The following PCDH11X variants were observed in gnomAD, a reference collection of about 807,000 sequenced individuals.
PCDH11X encodes protocadherin-11 X-linked.
Under a neutral mutation model 53.3 loss-of-function variants are expected in PCDH11X, and 18 were observed. The ratio of observed to expected loss-of-function variants is 0.34; its 90% CI spans 0.23 to 0.50. The LOEUF is 0.50. PCDH11X is among the 20% of genes least tolerant of loss of function. The probability of loss-of-function intolerance (pLI) is 0.98; values close to 1 mark genes in which losing one functional copy is unlikely to be tolerated. For missense variants in PCDH11X, 570 were observed against 1,032.4 expected (o/e 0.55, Z 6.14); for synonymous variants, 279 against 393.3 (o/e 0.71, Z 3.44).
chrX:92,605,038 A>G (rs948348878), intron 10 of PCDH11X, among the ~76,000 whole-genome samples: 10 of 102,065 alleles, frequency 9.8e-5, no homozygotes, highest in Non-Finnish European at 1.8e-4. Context: ...GTAGATCAAT[A>G]AAAAGAAGAC....
intron 6 of PCDH11X, among the ~76,000 whole-genome samples, chrX:92,065,989 T>G (rs1470545674): frequency 1.3e-4 from 15 of 111,815 alleles, no homozygotes; most frequent in Non-Finnish European, 2.6e-4. Flanking sequence ...TTCATAGTCT[T>G]AGATTTAAGT....
At chrX:92,349,570 G>A (rs1433292561) in intron 8 of PCDH11X, among the ~76,000 whole-genome samples, 4 of 102,984 alleles carry the variant, frequency 3.9e-5, no homozygotes, top group Admixed American at 1.1e-4. Context: ...TACAAGTCCC[G>A]CTACCATTTG....
At chrX:91,844,093 G>A (rs890485304) in intron 5 of PCDH11X, among the ~76,000 whole-genome samples, 2 of 111,615 alleles carry the variant, frequency 1.8e-5, no homozygotes, top group Non-Finnish European at 3.8e-5. Flanking sequence ...CAATAGTTAT[G>A]GGTTTTACTC....
intron 10 of PCDH11X, among the ~76,000 whole-genome samples, chrX:92,587,879 T>C (rs764206948): frequency 9.0e-6 from 1 of 111,366 alleles, no homozygotes; most frequent in South Asian, 3.7e-4. Context: ...TCATTTCAAG[T>C]TTCCTTTTCA....
chrX:91,888,583 G>C (rs952880707), intron 6 of PCDH11X, among the ~76,000 whole-genome samples: 8 of 109,817 alleles, frequency 7.3e-5, no homozygotes, highest in Non-Finnish European at 1.5e-4. Context: ...TGAGTGGCGG[G>C]GGTTGTGGGG....
intron 5 of PCDH11X, among the ~76,000 whole-genome samples, chrX:91,874,062 C>G (rs1327228267): frequency 1.8e-5 from 2 of 110,843 alleles, no homozygotes; most frequent in African/African-American, 3.3e-5. Flanking sequence ...ATTAGCCACT[C>G]AGTATTGGAA....
intron 10 of PCDH11X, among the ~76,000 whole-genome samples, chrX:92,610,224 A>G (rs1333477481): frequency 8.9e-6 from 1 of 112,202 alleles, no homozygotes; most frequent in Non-Finnish European, 1.9e-5. Flanking sequence ...ACAGTGTATA[A>G]AAATTCTCTT....
At chrX:92,209,968 CT>C (rs1197667395) in intron 7 of PCDH11X, among the ~76,000 whole-genome samples, 1 of 111,367 alleles carries the variant, frequency 9.0e-6, no homozygotes, top group East Asian at 2.9e-4. Context: ...TACCTTGGCC[CT>C]TTTTAGCCAC....
intron 10 of PCDH11X, among the ~76,000 whole-genome samples, chrX:92,497,504 A>G (rs998534946): frequency 9.1e-6 from 1 of 110,061 alleles, no homozygotes; most frequent in African/African-American, 3.3e-5. Flanking sequence ...CCTCACAAAT[A>G]GCAACATGCT....
intron 6 of PCDH11X, among the ~76,000 whole-genome samples, chrX:92,199,041 A>G (rs1348068183): frequency 9.0e-6 from 1 of 111,542 alleles, no homozygotes; most frequent in African/African-American, 3.3e-5. Flanking sequence ...TTTCTCTCAC[A>G]TATGTCTATT....
rs1314840617 is a variant in PCDH11X at position 91,818,261 on chromosome X, T to A, written c.-45+6966T>A. Among the ~76,000 whole-genome samples the A allele has an allele frequency of 4.5e-5, 5 of 111,353 alleles. No homozygotes were observed. In the East Asian group the frequency reaches 1.4e-3, roughly 31 times the overall value. On this transcript the variant is annotated intron_variant, in intron 4 of 10. Transcript: ENST00000682573. ...CTAATCAAAAGAATGGTGTCTTTAT[T>A]TTCTTTTTTCGTAATCTCTTTTTCT...
At position 92,434,582 on chromosome X, in the gene PCDH11X, C is replaced by T. The variant is rs188564197; in HGVS notation, c.3344-33717C>T. ...TAAGAGACAAGGACTTGACTGGTCA[C>T]CTAGGTCGGAGTGCAGTAACATGAT... On this transcript the variant is annotated intron_variant, in intron 9 of 10. Coordinates refer to ENST00000682573, the MANE Select transcript of PCDH11X (RefSeq NM_032968.5). Among the ~76,000 whole-genome samples, 413 of 109,220 alleles carry T rather than the reference C, an allele frequency of 3.8e-3. 3 individuals are homozygous for T. Among genetic ancestry groups the T allele is most frequent in the African/African-American group, 0.013 (393 of 29,731 alleles). 94.8% of individuals were successfully genotyped at this position (109,220 alleles called of 115,157 possible).
intron 8 of PCDH11X, among the ~76,000 whole-genome samples, chrX:92,285,509 T>A (rs1384156376): frequency 9.0e-6 from 1 of 110,622 alleles, no homozygotes; most frequent in Admixed American, 9.7e-5. Context: ...CGCTTCGGCC[T>A]CCCAAAGTGC....
chrX:92,279,472 A>G (rs1343511154), intron 8 of PCDH11X, among the ~76,000 whole-genome samples: 2 of 112,146 alleles, frequency 1.8e-5, no homozygotes, highest in African/African-American at 3.2e-5. Context: ...AATCTCTAGC[A>G]TTAAAGGAAC....
rs370649964 is a variant in PCDH11X at position 92,130,416 on chromosome X, G to A, written c.3034-70959G>A. ...AATCATGCCAGCACTTTGGGAGGCC[G>A]AGGTGGGCAGATCACCTGAGGTCAG... On this transcript the variant is annotated intron_variant, in intron 6 of 10. Transcript: ENST00000682573. 1.2e-4 allele frequency among the ~76,000 whole-genome samples: 13 copies of A among 110,455 alleles called. No individual in the cohort carries two copies. In the East Asian group the frequency reaches 1.7e-3, roughly 15 times the overall value.
chrX:92,072,769 T>G (rs2063722790), intron 6 of PCDH11X, among the ~76,000 whole-genome samples: 1 of 111,334 alleles, frequency 9.0e-6, no homozygotes. Context: ...GGGGGTGACA[T>G]GGTGCAAGCA....
intron 6 of PCDH11X, among the ~76,000 whole-genome samples, chrX:92,182,447 T>G (rs767667472): frequency 7.2e-5 from 8 of 111,591 alleles, no homozygotes. Flanking sequence ...TGGGAGATTG[T>G]TGGGAAGGCA....
intron 6 of PCDH11X, among the ~76,000 whole-genome samples, chrX:91,993,301 G>T (rs2147946454): frequency 8.9e-6 from 1 of 112,831 alleles, no homozygotes; most frequent in South Asian, 3.6e-4. Context: ...GTTTCCCAAT[G>T]TGATGTGTTA....
intron 7 of PCDH11X, among the ~76,000 whole-genome samples, chrX:92,253,933 C>T (rs2067510987): frequency 8.9e-6 from 1 of 111,894 alleles, no homozygotes; most frequent in South Asian, 3.7e-4. Flanking sequence ...TTATTTCTTT[C>T]TCTTGTCTGA....
Sources: gnomAD v4.1 joint callset for allele counts (sites outside exome capture counted in the v4.1 genomes callset) on GRCh38, gnomAD v4.1.1 for gene constraint, MANE v1.5 for transcripts, NCBI Gene and HGNC (gene_info 2026-07-23, HGNC 2026-07-21) for gene names.